The following OLFM4 variants were observed in gnomAD, a reference collection of about 807,000 sequenced individuals.
The protein encoded by OLFM4 is olfactomedin 4.
In OLFM4, 22 loss-of-function variants were observed where a neutral mutation model predicts 25.5. That is an observed-to-expected ratio of 0.86 (90% CI 0.62 to 1.23). The LOEUF (loss-of-function observed/expected upper bound fraction) is 1.23. Among genes scored for constraint, OLFM4 ranks in the 50% most tolerant of loss-of-function variants. OLFM4 has a pLI of 0.00. For synonymous variants in OLFM4, 255 were observed against 237.7 expected, an observed-to-expected ratio of 1.07 and a Z score of -0.67; for missense variants, 594 against 619.4, an observed-to-expected ratio of 0.96 and a Z score of 0.44.
chr13:53,048,629 C>T (rs1954728124), intron 4 of OLFM4, among the ~76,000 whole-genome samples: 1 of 152,122 alleles, frequency 6.6e-6, no homozygotes, highest in African/African-American at 2.4e-5. Flanking sequence ...GCTTTGCTCC[C>T]CCTTCCCCGC....
At chr13:53,047,570 A>G (rs938280677) in intron 4 of OLFM4, among the ~76,000 whole-genome samples, 5 of 152,136 alleles carry the variant, frequency 3.3e-5, no homozygotes, top group Admixed American at 6.5e-5. Flanking sequence ...AATGAACAGG[A>G]AAGTGTTTAG....
chr13:53,043,245 C>T lies in OLFM4; in HGVS notation c.711C>T (p.Val237=), dbSNP rs1954697327. Residue 237 remains valine, a synonymous_variant, in exon 4 of 5, where the codon GTC becomes GTT. Coordinates refer to ENST00000219022, the MANE Select transcript of OLFM4 (RefSeq NM_006418.5). Reference sequence around the variant, plus strand: ...CTAAAGATCAAAACACCCCTGTCGTCCACCCTCCTCCCACTCCAGGTAAGC... The same window carrying T: ...CTAAAGATCAAAACACCCCTGTCGTTCACCCTCCTCCCACTCCAGGTAAGC... ...EASKDQNTPV[V]HPPPTPGSCG... 6 of 1,606,856 alleles carry T rather than the reference C, an allele frequency of 3.7e-6. No homozygotes were observed. The highest frequency in any genetic ancestry group is 3.4e-6 in the Non-Finnish European group (4 of 1,177,412).
intron 2 of OLFM4, among the ~76,000 whole-genome samples, chr13:53,038,918 A>G (rs1954673425): frequency 6.6e-6 from 1 of 152,210 alleles, no homozygotes; most frequent in South Asian, 2.1e-4. Context: ...TCCATGGATG[A>G]TTGCCATTTT....
intron 2 of OLFM4, among the ~76,000 whole-genome samples, chr13:53,037,167 G>T (rs1954663412): frequency 6.6e-6 from 1 of 152,214 alleles, no homozygotes; most frequent in African/African-American, 2.4e-5. Flanking sequence ...TTGATTCATT[G>T]TCTGTCAGTA....
rs1954689675 is a variant in OLFM4 at position 53,042,012 on chromosome 13, C to G, written c.460C>G (p.Leu154Val). Residue 154 changes from leucine (L) to valine (V), a missense_variant, in exon 3 of 5, where the codon CTG (leucine) becomes GTG (valine). Physicochemically the swap from Leu to Val is conservative, Grantham distance 32. Coordinates refer to ENST00000219022, the MANE Select transcript of OLFM4 (RefSeq NM_006418.5). ...GAAGGATACCATTTCTTACACTGAACTGGACTTCGAGCTGATCAAGGTAGA... is the reference window on the plus strand; with the variant it reads ...GAAGGATACCATTTCTTACACTGAAGTGGACTTCGAGCTGATCAAGGTAGA... ...MEKDTISYTE[L>V]DFELIKVEVK... 2 of 1,613,830 alleles carry G rather than the reference C, an allele frequency of 1.2e-6. No individual in the cohort carries two copies. Among genetic ancestry groups the G allele is most frequent in the East Asian group, 2.2e-5 (1 of 44,868 alleles).
rs1184435043 is a variant in OLFM4 at position 53,043,368 on chromosome 13, G to GT, written c.730+106dup. 2.9e-3 allele frequency: 1,337 copies of GT among 458,492 alleles called. 3 individuals carry two copies. The highest frequency in any genetic ancestry group is 9.0e-3 in the African/African-American group (261 of 29,016). The allele number at this position is 458,492 out of a possible 1,614,324, so 28.4% of individuals were successfully genotyped here. On this transcript the variant is annotated intron_variant, in intron 4 of 4. Coordinates refer to ENST00000219022, the MANE Select transcript of OLFM4 (RefSeq NM_006418.5). ...TTGCAATGGTGAAAGAAGAAGGTGGGTTGTTTTTTTTTTTTTTTTTTCAGT... is the reference window on the plus strand; with the variant it reads ...TTGCAATGGTGAAAGAAGAAGGTGGGTTTGTTTTTTTTTTTTTTTTTTCAGT...
chr13:53,046,511 G>A (rs1027762467), intron 4 of OLFM4, among the ~76,000 whole-genome samples: 2 of 152,172 alleles, frequency 1.3e-5, no homozygotes, highest in African/African-American at 4.8e-5. Flanking sequence ...CAGGGTAGAA[G>A]GCTAGTGTTT....
chr13:53,047,856 G>T (rs1954723392), intron 4 of OLFM4, among the ~76,000 whole-genome samples: 1 of 152,110 alleles, frequency 6.6e-6, no homozygotes, highest in Non-Finnish European at 1.5e-5. Flanking sequence ...TCTTGGTAGT[G>T]CTTGAATAAG....
intron 1 of OLFM4, among the ~76,000 whole-genome samples, chr13:53,033,679 C>T (rs1483363471): frequency 2.0e-5 from 3 of 152,214 alleles, no homozygotes; most frequent in Non-Finnish European, 2.9e-5. Context: ...TCACATCTAG[C>T]AAGTGCTAGA....
intron 4 of OLFM4, among the ~76,000 whole-genome samples, chr13:53,044,140 G>A (rs564951274): frequency 4.6e-5 from 7 of 152,274 alleles, no homozygotes; most frequent in East Asian, 1.9e-4. Context: ...TGGGAAGCTC[G>A]GAACCTTATG....
chr13:53,037,479 G>A (rs955591866), intron 2 of OLFM4, among the ~76,000 whole-genome samples: 2 of 152,150 alleles, frequency 1.3e-5, no homozygotes, highest in Non-Finnish European at 2.9e-5. Context: ...AAATTAAAAG[G>A]TCAGATTGGA....
chr13:53,034,127 A>G (rs35060867), intron 1 of OLFM4, among the ~76,000 whole-genome samples: 8,592 of 149,744 alleles, frequency 0.057, 238 homozygotes, highest in East Asian at 0.092. Context: ...CTGCTGGCGT[A>G]GTGGTTTTCG....
At chr13:53,031,720 T>C (rs780242894) in intron 1 of OLFM4, among the ~76,000 whole-genome samples, 11 of 152,236 alleles carry the variant, frequency 7.2e-5, no homozygotes, top group Non-Finnish European at 1.6e-4. Context: ...ATCATCTCCC[T>C]AAAGCCAGAA....
At chr13:53,048,080 T>C (rs1176919704) in intron 4 of OLFM4, among the ~76,000 whole-genome samples, 1 of 152,208 alleles carries the variant, frequency 6.6e-6, no homozygotes, top group Non-Finnish European at 1.5e-5. Context: ...TATGGAAACT[T>C]GAACAGTTTT....
intron 1 of OLFM4, 87 bp downstream of exon 1, chr13:53,029,127 G>C (rs1332588753): frequency 6.4e-7 from 1 of 1,559,388 alleles, no homozygotes; most frequent in East Asian, 2.3e-5. Context: ...TGGATGGCTA[G>C]ACCTGGGCAC....
chr13:53,038,632 G>A (rs1954671744), intron 2 of OLFM4, among the ~76,000 whole-genome samples: 2 of 152,162 alleles, frequency 1.3e-5, no homozygotes, highest in South Asian at 4.1e-4. Flanking sequence ...AAAATGTTAT[G>A]CAGCAAATGA....
Position 53,050,596 on chromosome 13 carries a change from T to G in OLFM4, c.1358T>G (p.Ile453Ser), listed in dbSNP as rs767278097. ...ACTATGAACACCAGAACAGAAGAGA[T>G]TTTTTACTATTATGACACAAACACA... ...TRTMNTRTEE[I>S]FYYYDTNTGK... The change falls in exon 5 of 5, where the codon ATT (isoleucine) becomes AGT (serine). Residue 453 changes from isoleucine to serine, a missense_variant. Ile to Ser is a moderately radical substitution (Grantham distance 142). Transcript: ENST00000219022. The G allele has an allele frequency of 1.4e-5, 23 of 1,613,782 alleles. No homozygotes were observed. The highest frequency in any genetic ancestry group is 1.9e-5 in the Non-Finnish European group (23 of 1,179,972).
chr13:53,050,454 G>A lies in OLFM4; in HGVS notation c.1216G>A (p.Val406Met), dbSNP rs1954741192. ...AACTGAAGCCAGCACTGGTAACATG[G>A]TGATTAGTAAACTCAATGACACCAC... ...YSTEASTGNM[V>M]ISKLNDTTLQ... Residue 406 changes from valine to methionine, a missense_variant, in exon 5 of 5, where the codon GTG (valine) becomes ATG (methionine). Val to Met is a conservative substitution (Grantham distance 21). Coordinates refer to ENST00000219022, the MANE Select transcript of OLFM4 (RefSeq NM_006418.5). 1 of 1,614,036 alleles carries A rather than the reference G, an allele frequency of 6.2e-7. No individual in the cohort carries two copies. Among genetic ancestry groups the A allele is most frequent in the Non-Finnish European group, 8.5e-7 (1 of 1,179,966 alleles).
chr13:53,036,213 C>T (rs1236699582), intron 2 of OLFM4, among the ~76,000 whole-genome samples: 1 of 152,158 alleles, frequency 6.6e-6, no homozygotes, highest in Non-Finnish European at 1.5e-5. Flanking sequence ...ATATAATGTC[C>T]TTGAATTAAT....
Sources: allele counts gnomAD v4.1 joint callset (sites outside exome capture counted in the v4.1 genomes callset), GRCh38; gene constraint gnomAD v4.1.1; transcripts MANE v1.5; gene names NCBI Gene and HGNC (gene_info 2026-07-23, HGNC 2026-07-21).